OPCML: variants seen among roughly 807,000 people sequenced by gnomAD.
The protein encoded by OPCML is opioid binding protein/cell adhesion molecule like.
In OPCML, 13 loss-of-function variants were observed where a neutral mutation model predicts 37.8. The observed-to-expected ratio is 0.34, with a 90% CI of 0.22 to 0.55. The LOEUF (loss-of-function observed/expected upper bound fraction) is 0.55, where lower values mean the gene tolerates loss of function less well. Ranked by LOEUF, OPCML falls within the 20% of genes least tolerant of loss-of-function variation. The pLI is 0.91. For missense variants in OPCML, 341 were observed against 435.6 expected, an observed-to-expected ratio of 0.78 and a Z score of 1.93; for synonymous variants, 176 against 168.8, an observed-to-expected ratio of 1.04 and a Z score of -0.33.
chr11:132,459,454 T>C (rs1392071832), intron 4 of OPCML, among the ~76,000 whole-genome samples: 1 of 149,246 alleles, frequency 6.7e-6, no homozygotes, highest in Non-Finnish European at 1.5e-5. Context: ...CATACATATC[T>C]ACTTCCTATA....
chr11:132,902,234 G>A (rs1565949912), intron 2 of OPCML, among the ~76,000 whole-genome samples: 1 of 152,162 alleles, frequency 6.6e-6, no homozygotes, highest in Non-Finnish European at 1.5e-5. Context: ...TGGCTGTAGG[G>A]TGCTGAATTC....
At chr11:132,565,098 G>T (rs1177242978) in intron 3 of OPCML, among the ~76,000 whole-genome samples, 1 of 152,164 alleles carries the variant, frequency 6.6e-6, no homozygotes, top group Non-Finnish European at 1.5e-5. Flanking sequence ...TCTACAATCT[G>T]TCAGACTTGC....
chr11:132,852,260 C>CA (rs1032910044), intron 2 of OPCML, among the ~76,000 whole-genome samples: 1 of 151,910 alleles, frequency 6.6e-6, no homozygotes, highest in Non-Finnish European at 1.5e-5. Flanking sequence ...CACATATATG[C>CA]AAAAAAACTA....
At chr11:133,423,468 C>T in intron 1 of OPCML, 1 of 985,408 alleles carries the variant, frequency 1.0e-6, no homozygotes, top group Non-Finnish European at 1.2e-6. Flanking sequence ...TCTCTGCACT[C>T]TGTTAGGCTC....
At position 133,000,960 on chromosome 11, in the gene OPCML, G is replaced by A. The variant is rs1209838324; in HGVS notation, c.62-57950C>T. ...TGGCAGCTCCCCTGCCTCCTTTCTT[G>A]CTCCCTCTCTCGCCATGTGATACAC... On this transcript the variant is annotated intron_variant, in intron 1 of 7. Coordinates refer to ENST00000524381, the MANE Select transcript of OPCML (RefSeq NM_001012393.5). 2.0e-5 allele frequency among the ~76,000 whole-genome samples: 3 copies of A among 152,088 alleles called. No homozygotes were observed. The East Asian group carries it at 5.8e-4, about 29-fold the overall frequency.
chr11:133,530,014 A>G (rs1948571520), intron 1 of OPCML, among the ~76,000 whole-genome samples: 1 of 152,142 alleles, frequency 6.6e-6, no homozygotes. Context: ...GTAGCCCTCA[A>G]AGCAGGTAAC....
At chr11:132,831,602 C>G (rs1278750138) in intron 2 of OPCML, among the ~76,000 whole-genome samples, 3 of 152,060 alleles carry the variant, frequency 2.0e-5, no homozygotes, top group African/African-American at 7.2e-5. Context: ...TCCTGCCTCT[C>G]CAAACCCATC....
At chr11:132,661,128 T>A (rs768902864) in intron 2 of OPCML, among the ~76,000 whole-genome samples, 1 of 152,118 alleles carries the variant, frequency 6.6e-6, no homozygotes, top group African/African-American at 2.4e-5. Context: ...CACACAGCCC[T>A]TGGAAAGCCT....
chr11:132,425,008 C>G (rs1482900250), intron 7 of OPCML, among the ~76,000 whole-genome samples: 5 of 152,298 alleles, frequency 3.3e-5, no homozygotes, highest in Admixed American at 2.6e-4. Flanking sequence ...GAGCAGGGCA[C>G]TGGGAGCCAG....
intron 1 of OPCML, among the ~76,000 whole-genome samples, chr11:132,968,808 G>C (rs1487158488): frequency 1.3e-5 from 2 of 152,044 alleles, no homozygotes; most frequent in Non-Finnish European, 2.9e-5. Flanking sequence ...TCAGCATATG[G>C]ACTATCATGT....
At chr11:133,294,478 G>T (rs942245744) in intron 1 of OPCML, among the ~76,000 whole-genome samples, 1 of 151,972 alleles carries the variant, frequency 6.6e-6, no homozygotes, top group African/African-American at 2.4e-5. Context: ...AGGGTTAAAG[G>T]TCTCTTCATT....
chr11:133,460,708 C>T (rs950865453), intron 1 of OPCML, among the ~76,000 whole-genome samples: 4 of 151,724 alleles, frequency 2.6e-5, no homozygotes, highest in Non-Finnish European at 1.5e-5. Context: ...AAAAAACTCA[C>T]GACAAATAAA....
At chr11:133,439,720 G>A (rs767401526) in intron 1 of OPCML, among the ~76,000 whole-genome samples, 5 of 152,096 alleles carry the variant, frequency 3.3e-5, no homozygotes, top group South Asian at 2.1e-4. Context: ...ACCCGCCTTG[G>A]CCTCCCAAAG....
chr11:132,748,989 T>TAA (rs1401362849), intron 2 of OPCML, among the ~76,000 whole-genome samples: 1 of 152,136 alleles, frequency 6.6e-6, no homozygotes, highest in Non-Finnish European at 1.5e-5. Context: ...TTCTCCTCCC[T>TAA]AAAAAAATCC....
chr11:133,141,611 T>C (rs1949824897), intron 1 of OPCML, among the ~76,000 whole-genome samples: 1 of 152,002 alleles, frequency 6.6e-6, no homozygotes, highest in African/African-American at 2.4e-5. Flanking sequence ...ATCTCACCTT[T>C]CTCCTGCCTC....
intron 1 of OPCML, among the ~76,000 whole-genome samples, chr11:133,157,915 G>C (rs115654854): frequency 2.0e-5 from 3 of 152,128 alleles, no homozygotes; most frequent in African/African-American, 4.8e-5. Flanking sequence ...TGCTTGCCCC[G>C]GGGGGCACTG....
At chr11:133,418,743 A>C (rs1453381003) in intron 1 of OPCML, among the ~76,000 whole-genome samples, 2 of 152,172 alleles carry the variant, frequency 1.3e-5, no homozygotes, top group Non-Finnish European at 2.9e-5. Flanking sequence ...AGGGGCATGA[A>C]TTTTGCTAAG....
intron 1 of OPCML, among the ~76,000 whole-genome samples, chr11:133,398,611 A>T (rs200320713): frequency 3.6e-4 from 33 of 91,448 alleles, no homozygotes; most frequent in East Asian, 3.6e-3. Context: ...ATCTTTTTTT[A>T]AAAAAAAAAA....
chr11:133,236,252 A>G (rs1940511433), intron 1 of OPCML, among the ~76,000 whole-genome samples: 1 of 152,228 alleles, frequency 6.6e-6, no homozygotes, highest in Admixed American at 6.5e-5. Flanking sequence ...GGCAGGCAGC[A>G]TAGACAGTGT....
Sources: gnomAD v4.1 joint callset for allele counts (sites outside exome capture counted in the v4.1 genomes callset) on GRCh38, gnomAD v4.1.1 for gene constraint, MANE v1.5 for transcripts, NCBI Gene and HGNC (gene_info 2026-07-23, HGNC 2026-07-21) for gene names.